Variants in CCSER1 observed in about 807,000 individuals in gnomAD.
CCSER1 encodes coiled-coil serine rich protein 1, also known as serine-rich coiled-coil domain-containing protein 1.
In CCSER1, 41 loss-of-function variants were observed where a neutral mutation model predicts 82.0. That is an observed-to-expected ratio of 0.50 (90% CI 0.39 to 0.65). The LOEUF (loss-of-function observed/expected upper bound fraction) is 0.65. Ranked by LOEUF, CCSER1 falls within the 30% of genes least tolerant of loss-of-function variation. The probability of loss-of-function intolerance (pLI) is 0.00; values close to 1 mark genes in which losing one functional copy is unlikely to be tolerated. For synonymous variants in CCSER1, 414 were observed against 383.9 expected (o/e 1.08, Z -0.92); for missense variants, 1,119 against 1,064.2 (o/e 1.05, Z -0.72).
intron 1 of CCSER1, among the ~76,000 whole-genome samples, chr4:90,278,373 T>C (rs973476971): frequency 5.3e-5 from 8 of 151,990 alleles, no homozygotes; most frequent in Admixed American, 2.0e-4. Context: ...ATGACACAAG[T>C]ACCCATATGT....
rs528774707 is a variant in CCSER1, at chr4:91,462,193, T to C, written c.2218-136379T>C. ...TCCTGAATAAATGAGATTTTCACCC[T>C]GAGATTGAAAGAAAATTTTCAACTG... On this transcript the variant is annotated intron_variant, in intron 10 of 10. Coordinates refer to ENST00000509176, the MANE Select transcript of CCSER1 (RefSeq NM_001145065.2). Among the ~76,000 whole-genome samples, 15 of 152,310 alleles carry C rather than the reference T, an allele frequency of 9.8e-5. 1 individual carries two copies. In the South Asian group the frequency reaches 3.1e-3, roughly 32 times the overall value.
chr4:90,642,667 T>A (rs778637917), intron 6 of CCSER1, among the ~76,000 whole-genome samples: 1 of 152,082 alleles, frequency 6.6e-6, no homozygotes, highest in African/African-American at 2.4e-5. Context: ...AGAGATCTCA[T>A]CTTTACTAAA....
At chr4:91,173,454 C>T (rs550087395) in intron 10 of CCSER1, among the ~76,000 whole-genome samples, 13 of 151,920 alleles carry the variant, frequency 8.6e-5, no homozygotes, top group Admixed American at 3.3e-4. Context: ...ATTAGCTGGG[C>T]GTGGTGGCAT....
At chr4:90,422,586 C>G (rs185906310) in intron 4 of CCSER1, among the ~76,000 whole-genome samples, 2,201 of 150,524 alleles carry the variant, frequency 0.015, 46 homozygotes, top group African/African-American at 0.051. Flanking sequence ...CAGAGTGAGT[C>G]TCTCTCTCTC....
At chr4:91,089,552 CT>C (rs1231689516) in intron 10 of CCSER1, among the ~76,000 whole-genome samples, 1 of 152,212 alleles carries the variant, frequency 6.6e-6, no homozygotes, top group Non-Finnish European at 1.5e-5. Context: ...ATTTTCACTA[CT>C]TATGTCTTCC....
At chr4:91,159,728 G>A (rs1731185247) in intron 10 of CCSER1, among the ~76,000 whole-genome samples, 1 of 151,892 alleles carries the variant, frequency 6.6e-6, no homozygotes, top group Non-Finnish European at 1.5e-5. Flanking sequence ...TTACTGTTGT[G>A]TGTGAATATA....
intron 10 of CCSER1, among the ~76,000 whole-genome samples, chr4:91,422,353 C>T (rs2149384340): frequency 6.6e-6 from 1 of 152,246 alleles, no homozygotes; most frequent in Non-Finnish European, 1.5e-5. Flanking sequence ...CACCACAGCA[C>T]AGGGATCTTC....
At chr4:90,861,108 A>G (rs1765033717) in intron 8 of CCSER1, among the ~76,000 whole-genome samples, 1 of 151,730 alleles carries the variant, frequency 6.6e-6, no homozygotes, top group African/African-American at 2.4e-5. Context: ...CGGGAAACAA[A>G]CAAGATCCAA....
chr4:90,496,889 A>G (rs2153608921), intron 5 of CCSER1, among the ~76,000 whole-genome samples: 1 of 151,396 alleles, frequency 6.6e-6, no homozygotes, highest in Non-Finnish European at 1.5e-5. Context: ...GAGGCAGGAG[A>G]ATCGCTTGAA....
intron 5 of CCSER1, among the ~76,000 whole-genome samples, chr4:90,599,048 A>G (rs2148737617): frequency 6.6e-6 from 1 of 152,250 alleles, no homozygotes; most frequent in East Asian, 1.9e-4. Context: ...TCAGGGCACA[A>G]TGTGGGCTCC....
intron 9 of CCSER1, among the ~76,000 whole-genome samples, chr4:90,932,982 G>GAGAAAGAAAGAAAGAAAGAAAGAAAGAA: frequency 5.3e-5 from 1 of 18,870 alleles, no homozygotes; most frequent in East Asian, 9.2e-4. Context: ...AAGAAAGAAA[G>GAGAAAGAAAGAAAGAAAGAAAGAAAGAA]AGAAAGAAAG....
At chr4:91,234,663 G>C (rs1054487791) in intron 10 of CCSER1, among the ~76,000 whole-genome samples, 1 of 152,046 alleles carries the variant, frequency 6.6e-6, no homozygotes, top group African/African-American at 2.4e-5. Context: ...AGAATTTATA[G>C]CAAGAAAATG....
rs191511563 is a variant in CCSER1 at position 90,796,206 on chromosome 4, C to T, written c.2011-19556C>T. Among the ~76,000 whole-genome samples, 310 of 150,966 alleles carry T rather than the reference C, an allele frequency of 2.1e-3. 1 individual carries two copies. The highest frequency in any genetic ancestry group is 7.3e-3 in the African/African-American group (298 of 40,912). On this transcript the variant is annotated intron_variant, in intron 7 of 10. Coordinates refer to ENST00000509176, the MANE Select transcript of CCSER1 (RefSeq NM_001145065.2). ...TCTGTTCAGGGATACCATTTCTTCC[C>T]GTGCTCAGTATTGGGAGGGTGTATT...
Position 90,164,718 on chromosome 4 carries a change from A to G in CCSER1, c.-42+36887A>G, listed in dbSNP as rs147277542. Among the ~76,000 whole-genome samples, 164 of 152,244 alleles carry G rather than the reference A, an allele frequency of 1.1e-3. 1 individual carries two copies. Among genetic ancestry groups the G allele is most frequent in the Non-Finnish European group, 2.1e-3 (146 of 67,988 alleles). On this transcript the variant is annotated intron_variant, in intron 1 of 10. Transcript: ENST00000509176. ...AATTGTGAAGCAGCTACTGTGTTGA[A>G]TGAGACTTTGTCTAAAGAGTGTGTT... is the stretch of plus-strand genomic sequence containing the variant.
At chr4:91,309,352 A>ATGTGTG (rs5860229) in intron 10 of CCSER1, among the ~76,000 whole-genome samples, 1 of 151,306 alleles carries the variant, frequency 6.6e-6, no homozygotes, top group Non-Finnish European at 1.5e-5. Flanking sequence ...GTAAAAATGT[A>ATGTGTG]TGTGTGTGTG....
chr4:90,881,969 AG>A (rs1313064793), intron 8 of CCSER1, among the ~76,000 whole-genome samples: 1 of 151,802 alleles, frequency 6.6e-6, no homozygotes, highest in Non-Finnish European at 1.5e-5. Context: ...AATTCTAGAC[AG>A]TTGCTCTTGG....
intron 10 of CCSER1, among the ~76,000 whole-genome samples, chr4:91,485,670 AT>A (rs1758176600): frequency 6.6e-6 from 1 of 152,138 alleles, no homozygotes; most frequent in South Asian, 2.1e-4. Flanking sequence ...GCTCAGTAAC[AT>A]ACTATACTTA....
At chr4:90,739,051 C>T (rs1483818720) in intron 7 of CCSER1, among the ~76,000 whole-genome samples, 1 of 152,212 alleles carries the variant, frequency 6.6e-6, no homozygotes, top group East Asian at 1.9e-4. Context: ...CCCATAGCCA[C>T]CACAGCTGTG....
chr4:90,835,693 C>T (rs192458706), intron 8 of CCSER1, among the ~76,000 whole-genome samples: 73 of 152,208 alleles, frequency 4.8e-4, no homozygotes, highest in African/African-American at 1.7e-3. Context: ...GAATTTTCAT[C>T]CAAGATGACA....
Sources: gnomAD v4.1 joint callset for allele counts (sites outside exome capture counted in the v4.1 genomes callset) on GRCh38, gnomAD v4.1.1 for gene constraint, MANE v1.5 for transcripts, NCBI Gene and HGNC (gene_info 2026-07-23, HGNC 2026-07-21) for gene names.